The following SAMTOR variants were observed in gnomAD, a reference collection of about 807,000 sequenced individuals.
The protein encoded by SAMTOR is UPF0532 protein C7orf60.
the SAMTOR span, among the ~76,000 whole-genome samples, chr7:112,866,254 T>C: frequency 6.6e-6 from 1 of 152,206 alleles, no homozygotes. Flanking sequence ...ATAATAAATG[T>C]ATAATACTAC....
the SAMTOR span, among the ~76,000 whole-genome samples, chr7:112,896,311 T>C: frequency 2.0e-5 from 3 of 152,228 alleles, no homozygotes; most frequent in Admixed American, 2.0e-4. Context: ...TTACTACATA[T>C]AGCTCATACT....
chr7:112,916,635 C>T, the SAMTOR span, among the ~76,000 whole-genome samples: 4 of 152,106 alleles, frequency 2.6e-5, no homozygotes, highest in Non-Finnish European at 5.9e-5. Flanking sequence ...CGAAGTGGGG[C>T]GAGGCACTGC....
the SAMTOR span, among the ~76,000 whole-genome samples, chr7:112,928,892 G>C: frequency 6.6e-6 from 1 of 151,908 alleles, no homozygotes. Flanking sequence ...TTTAATAGCA[G>C]TACACAGATC....
chr7:112,898,139 T>C, the SAMTOR span, among the ~76,000 whole-genome samples: 2 of 152,216 alleles, frequency 1.3e-5, no homozygotes, highest in African/African-American at 4.8e-5. Flanking sequence ...GAAAGAAGTC[T>C]GCTGCCCTAG....
chr7:112,934,404 T>C, the SAMTOR span, among the ~76,000 whole-genome samples: 1 of 152,218 alleles, frequency 6.6e-6, no homozygotes, highest in African/African-American at 2.4e-5. Context: ...CCTGTTCCTC[T>C]TGCCTCCAAC....
the SAMTOR span, among the ~76,000 whole-genome samples, chr7:112,861,682 T>C: frequency 6.6e-6 from 1 of 152,164 alleles, no homozygotes; most frequent in African/African-American, 2.4e-5. Context: ...GCTTGAAAAA[T>C]TCTCTCCTCT....
the SAMTOR span, among the ~76,000 whole-genome samples, chr7:112,871,956 C>T: frequency 3.9e-5 from 6 of 151,952 alleles, no homozygotes; most frequent in Non-Finnish European, 7.4e-5. Flanking sequence ...AAATTGAAAC[C>T]CTGAAGAGAC....
At chr7:112,917,815 A>T in the SAMTOR span, among the ~76,000 whole-genome samples, 4 of 152,208 alleles carry the variant, frequency 2.6e-5, no homozygotes, top group Admixed American at 1.3e-4. Flanking sequence ...AAGCCTCAGG[A>T]GCTGATGCGA....
the SAMTOR span, among the ~76,000 whole-genome samples, chr7:112,890,532 G>A: frequency 6.6e-6 from 1 of 151,794 alleles, no homozygotes; most frequent in African/African-American, 2.4e-5. Flanking sequence ...AAAGAAACCC[G>A]GAAAAGCATA....
At chr7:112,924,845 ATTCCTATTAATGTTTT>A in the SAMTOR span, among the ~76,000 whole-genome samples, 1 of 151,872 alleles carries the variant, frequency 6.6e-6, no homozygotes, top group African/African-American at 2.4e-5. Context: ...TTTGACTTGA[ATTCCTATTAATGTTTT>A]TTTCCAGCAG....
chr7:112,829,420 G>A, the SAMTOR span, among the ~76,000 whole-genome samples: 1 of 152,172 alleles, frequency 6.6e-6, no homozygotes, highest in East Asian at 1.9e-4. Flanking sequence ...AATATAAACT[G>A]TGTAAAAGTT....
At chr7:112,914,696 TATTA>T in the SAMTOR span, among the ~76,000 whole-genome samples, 1 of 152,186 alleles carries the variant, frequency 6.6e-6, no homozygotes, top group Non-Finnish European at 1.5e-5. Context: ...TACCATAATT[TATTA>T]ATGAGTCAAG....
the SAMTOR span, among the ~76,000 whole-genome samples, chr7:112,832,193 T>G: frequency 1.3e-5 from 2 of 151,952 alleles, no homozygotes; most frequent in African/African-American, 2.4e-5. Flanking sequence ...TTTTTATTTT[T>G]TAGTAGAGAC....
the SAMTOR span, among the ~76,000 whole-genome samples, chr7:112,857,870 A>G: frequency 2.0e-5 from 3 of 152,180 alleles, no homozygotes; most frequent in Non-Finnish European, 4.4e-5. Context: ...GCAACCTATG[A>G]CATCCCAGTA....
chr7:112,879,034 T>C, the SAMTOR span, among the ~76,000 whole-genome samples: 14 of 151,798 alleles, frequency 9.2e-5, no homozygotes, highest in African/African-American at 3.1e-4. Flanking sequence ...ATCTTAAAAG[T>C]TTCTGGCTTG....
At chr7:112,924,310 T>A in the SAMTOR span, among the ~76,000 whole-genome samples, 8 of 152,286 alleles carry the variant, frequency 5.3e-5, no homozygotes, top group Non-Finnish European at 1.0e-4. Flanking sequence ...AGGTTTTTTT[T>A]AAACAGAAAA....
the SAMTOR span, among the ~76,000 whole-genome samples, chr7:112,921,778 G>GTGGGTGAAA: frequency 3.0e-5 from 1 of 33,740 alleles, no homozygotes; most frequent in Non-Finnish European, 5.5e-5. Context: ...CCATCAACAA[G>GTGGGTGAAA]GACATTAACA....
chr7:112,927,671 C>G, the SAMTOR span, among the ~76,000 whole-genome samples: 1 of 151,906 alleles, frequency 6.6e-6, no homozygotes, highest in East Asian at 1.9e-4. Flanking sequence ...TGGGTACACA[C>G]GTTTTACTTT....
chr7:112,880,983 A>G, the SAMTOR span, among the ~76,000 whole-genome samples: 1 of 152,192 alleles, frequency 6.6e-6, no homozygotes, highest in East Asian at 1.9e-4. Context: ...TGGAAGGGAA[A>G]GAGCCCCACC....
Sources: gnomAD v4.1 joint callset for allele counts (sites outside exome capture counted in the v4.1 genomes callset) on GRCh38, gnomAD v4.1.1 for gene constraint, MANE v1.5 for transcripts, NCBI Gene and HGNC (gene_info 2026-07-23, HGNC 2026-07-21) for gene names.